The following RALYL variants were observed in gnomAD, a reference collection of about 807,000 sequenced individuals.
RALYL encodes RNA-binding Raly-like protein.
A neutral mutation model predicts 35.1 loss-of-function variants in RALYL; 29 were observed. The observed-to-expected ratio is 0.83, with a 90% CI of 0.61 to 1.13. RALYL has a LOEUF of 1.13. Ranked by LOEUF, RALYL falls within the 50% of genes most tolerant of loss-of-function variation. RALYL has a pLI of 0.00. For missense variants in RALYL, 359 were observed against 360.4 expected, an observed-to-expected ratio of 1.00 and a Z score of 0.03; for synonymous variants, 120 against 127.6, an observed-to-expected ratio of 0.94 and a Z score of 0.40.
chr8:84,483,317 C>T (rs1252148146), intron 1 of RALYL, among the ~76,000 whole-genome samples: 3 of 152,018 alleles, frequency 2.0e-5, no homozygotes, highest in Admixed American at 2.0e-4. Context: ...CTTTGAAATA[C>T]TAGACTTGGT....
At chr8:84,355,317 A>G (rs986692589) in intron 1 of RALYL, among the ~76,000 whole-genome samples, 1 of 150,498 alleles carries the variant, frequency 6.6e-6, no homozygotes, top group Non-Finnish European at 1.5e-5. Context: ...CAGAAACAGT[A>G]TTAAATTAAG....
chr8:84,461,242 A>G (rs1232504531), intron 1 of RALYL, among the ~76,000 whole-genome samples: 1 of 151,616 alleles, frequency 6.6e-6, no homozygotes, highest in African/African-American at 2.4e-5. Context: ...AGAATCTTCT[A>G]TGATACCTTC....
In RALYL at chr8:84,539,434, G is replaced by A. The variant is rs547628096; in HGVS notation, c.256+9857G>A. On this transcript the variant is annotated intron_variant, in intron 2 of 8. Transcript: ENST00000521268. ...GGTCCTAGATCTTTAGCTTTTTGAAGGTGTTGGTCGTGTTACAAGAATTTA... is the reference window on the plus strand; with the variant it reads ...GGTCCTAGATCTTTAGCTTTTTGAAAGTGTTGGTCGTGTTACAAGAATTTA... 3.3e-5 allele frequency among the ~76,000 whole-genome samples: 5 copies of A among 152,124 alleles called. No individual in the cohort carries two copies. In the East Asian group the frequency reaches 9.7e-4, roughly 29 times the overall value.
chr8:84,597,160 T>G (rs1458405677), intron 2 of RALYL, among the ~76,000 whole-genome samples: 1 of 152,144 alleles, frequency 6.6e-6, no homozygotes, highest in Non-Finnish European at 1.5e-5. Context: ...AGGCAGAAGT[T>G]TTTCTAAAGT....
chr8:84,193,981 C>A (rs1289371883), intron 1 of RALYL, among the ~76,000 whole-genome samples: 2 of 152,058 alleles, frequency 1.3e-5, no homozygotes, highest in African/African-American at 4.8e-5. Context: ...ATTTGAAAGC[C>A]TGAAGAGCAG....
In RALYL at chr8:84,725,332, C is replaced by T. The variant is rs189154721; in HGVS notation, c.257-49247C>T. Among the ~76,000 whole-genome samples the T allele has an allele frequency of 6.2e-4, 94 of 151,712 alleles. 2 individuals are homozygous for T. The highest frequency in any genetic ancestry group is 2.1e-3 in the African/African-American group (89 of 41,490). Reference sequence around the variant, plus strand: ...GCCACACTTATTTCTTTTTCCATTACTATAGAAATTTGATTTGTGGTAATG... The same window carrying T: ...GCCACACTTATTTCTTTTTCCATTATTATAGAAATTTGATTTGTGGTAATG... On this transcript the variant is annotated intron_variant, in intron 2 of 8. Transcript: ENST00000521268.
chr8:84,825,355 G>A (rs1829449512), intron 4 of RALYL, among the ~76,000 whole-genome samples: 1 of 152,100 alleles, frequency 6.6e-6, no homozygotes, highest in Non-Finnish European at 1.5e-5. Context: ...CACAGATGTT[G>A]GCAGGGCTGT....
chr8:84,621,551 T>G (rs990625309), intron 2 of RALYL, among the ~76,000 whole-genome samples: 1 of 151,992 alleles, frequency 6.6e-6, no homozygotes, highest in East Asian at 1.9e-4. Context: ...AGAAATCACC[T>G]GTCTTCGGCG....
chr8:84,819,509 C>T (rs916916957), intron 4 of RALYL, among the ~76,000 whole-genome samples: 11 of 152,046 alleles, frequency 7.2e-5, no homozygotes, highest in African/African-American at 2.4e-4. Flanking sequence ...TTGACAGTGG[C>T]GTGTTGAATG....
At chr8:84,430,450 C>T (rs965456017) in intron 1 of RALYL, among the ~76,000 whole-genome samples, 1 of 151,850 alleles carries the variant, frequency 6.6e-6, no homozygotes, top group Non-Finnish European at 1.5e-5. Flanking sequence ...TCTCTTTGTT[C>T]AAATAGAGGA....
rs1389153897 is a variant in RALYL, at chr8:84,616,731, C to G, written c.256+87154C>G. The stretch of plus-strand genomic sequence containing the variant: ...AGGGTTTTTATGGTTTTAGGTCTAA[C>G]GTTTAAGTCTTTAATCCATCTTGAA... On this transcript the variant is annotated intron_variant, in intron 2 of 8. Coordinates refer to ENST00000521268, the MANE Select transcript of RALYL (RefSeq NM_173848.7). 4.6e-5 allele frequency among the ~76,000 whole-genome samples: 7 copies of G among 151,106 alleles called. No individual in the cohort carries two copies. The East Asian group carries it at 5.8e-4, about 13-fold the overall frequency.
rs769845435 is a variant in RALYL at position 84,403,524 on chromosome 8, G to GTTTTTTTTT, written c.-23-125753_-23-125745dup. On this transcript the variant is annotated intron_variant, in intron 1 of 8. Coordinates refer to ENST00000521268, the MANE Select transcript of RALYL (RefSeq NM_173848.7). ...TTCTGTTCCATTGGTCTATATCTCTGTTTTTTTTTTTTTTTTTTTTTTTTT... is the reference window on the plus strand; with the variant it reads ...TTCTGTTCCATTGGTCTATATCTCTGTTTTTTTTTTTTTTTTTTTTTTTTTTTTTTTTTT... Among the ~76,000 whole-genome samples, 6 of 39,478 alleles carry GTTTTTTTTT rather than the reference G, an allele frequency of 1.5e-4. 1 individual carries two copies. The highest frequency in any genetic ancestry group is 2.8e-4 in the African/African-American group (4 of 14,442). 25.9% of individuals were successfully genotyped at this position (39,478 alleles called of 152,430 possible). A position where few individuals can be genotyped will look rare whatever the true frequency, so the allele number is the denominator to read the frequency against.
chr8:84,542,437 C>T (rs953551250), intron 2 of RALYL, among the ~76,000 whole-genome samples: 4 of 152,070 alleles, frequency 2.6e-5, no homozygotes, highest in Non-Finnish European at 4.4e-5. Context: ...TGTGCCCCCA[C>T]CCAAATCTCA....
intron 2 of RALYL, among the ~76,000 whole-genome samples, chr8:84,575,710 A>G (rs897645615): frequency 6.6e-6 from 1 of 152,188 alleles, no homozygotes; most frequent in African/African-American, 2.4e-5. Flanking sequence ...TCTCATTGGC[A>G]TATCCAAGAG....
At chr8:84,739,745 T>C (rs1847945625) in intron 2 of RALYL, among the ~76,000 whole-genome samples, 1 of 151,908 alleles carries the variant, frequency 6.6e-6, no homozygotes. Flanking sequence ...TCATTAATAA[T>C]AATGAAAGAT....
At chr8:84,300,844 GC>G (rs1282869663) in intron 1 of RALYL, among the ~76,000 whole-genome samples, 1 of 151,896 alleles carries the variant, frequency 6.6e-6, no homozygotes, top group African/African-American at 2.4e-5. Context: ...TATTCAACTT[GC>G]CAGCATACCT....
chr8:84,569,515 A>G (rs752903259), intron 2 of RALYL, among the ~76,000 whole-genome samples: 1 of 151,286 alleles, frequency 6.6e-6, no homozygotes, highest in Non-Finnish European at 1.5e-5. Context: ...ATTTGCAAAT[A>G]TTTTCTCTCA....
intron 1 of RALYL, among the ~76,000 whole-genome samples, chr8:84,419,553 T>TTTA (rs2045208623): frequency 6.6e-6 from 1 of 152,034 alleles, no homozygotes; most frequent in Admixed American, 6.6e-5. Context: ...CTTTTTTTTT[T>TTTA]TTATTATTAT....
chr8:84,284,528 C>A (rs968801017), intron 1 of RALYL, among the ~76,000 whole-genome samples: 1 of 152,066 alleles, frequency 6.6e-6, no homozygotes, highest in Non-Finnish European at 1.5e-5. Flanking sequence ...CACATAAGGA[C>A]CAGTTATGTA....
Sources: allele counts gnomAD v4.1 joint callset (sites outside exome capture counted in the v4.1 genomes callset), GRCh38; gene constraint gnomAD v4.1.1; transcripts MANE v1.5; gene names NCBI Gene and HGNC (gene_info 2026-07-23, HGNC 2026-07-21).